Variants in APOBEC3A observed in about 807,000 individuals in gnomAD.
APOBEC3A encodes DNA dC->dU-editing enzyme APOBEC-3A.
APOBEC3A carries 13 observed loss-of-function variants against 23.0 expected under a neutral mutation model. That is an observed-to-expected ratio of 0.57 (90% CI 0.37 to 0.90). The LOEUF is 0.90. APOBEC3A is among the 40% of genes least tolerant of loss of function. The pLI, the probability that APOBEC3A is intolerant of heterozygous loss-of-function variation, is 0.01. For synonymous variants in APOBEC3A, 74 were observed against 101.3 expected (o/e 0.73, Z 1.62); for missense variants, 179 against 264.9 (o/e 0.68, Z 2.25).
intron 1 of APOBEC3A, among the ~76,000 whole-genome samples, chr22:38,958,946 T>C (rs1479321152): frequency 6.6e-6 from 1 of 151,742 alleles, no homozygotes; most frequent in African/African-American, 2.4e-5. Flanking sequence ...CTGGGAGAGG[T>C]CTTCAAGGTG....
intron 1 of APOBEC3A, among the ~76,000 whole-genome samples, chr22:38,958,669 T>G (rs1186140402): frequency 6.7e-6 from 1 of 150,094 alleles, no homozygotes; most frequent in Non-Finnish European, 1.5e-5. Flanking sequence ...TTTCCTTCTT[T>G]CTTTCTTTTC....
chr22:38,962,653 A>G lies in APOBEC3A; in HGVS notation c.*144A>G. ...CAGCAAAGCAGTATGCTCCCGATCAAGTAGATTTTTAAAAAATCAGAGTGG... is the reference window on the plus strand; with the variant it reads ...CAGCAAAGCAGTATGCTCCCGATCAGGTAGATTTTTAAAAAATCAGAGTGG... On this transcript the variant is annotated 3_prime_UTR_variant, in exon 5 of 5. Transcript: ENST00000249116. 6.4e-7 allele frequency: 1 copy of G among 1,555,188 alleles called. No homozygotes were observed. Among genetic ancestry groups the G allele is most frequent in the Non-Finnish European group, 8.7e-7 (1 of 1,151,130 alleles).
In APOBEC3A at chr22:38,957,677, AG is replaced by A. The variant is rs756961069; in HGVS notation, c.-14del. On this transcript the variant is annotated 5_prime_UTR_variant, in exon 1 of 5. Coordinates refer to ENST00000249116, the MANE Select transcript of APOBEC3A (RefSeq NM_145699.4). ...GCGGGAGGACACAGACCAGGAACCG[AG>A]AAGGGACAAGCACATGGAAGCCAGC... 3 of 1,612,480 alleles carry A rather than the reference AG, an allele frequency of 1.9e-6. No homozygotes were observed. In the East Asian group the frequency reaches 6.7e-5, roughly 36 times the overall value.
Position 38,958,765 on chromosome 22 carries a change from CTT to C in APOBEC3A, c.30-775_30-774del, listed in dbSNP as rs1491558239. 3.9e-4 allele frequency among the ~76,000 whole-genome samples: 15 copies of C among 38,732 alleles called. 1 individual carries two copies. Among genetic ancestry groups the C allele is most frequent in the African/African-American group, 2.5e-3 (9 of 3,584 alleles). The allele number at this position is 38,732 out of a possible 152,430, so 25.4% of individuals were successfully genotyped here. A position where few individuals can be genotyped will look rare whatever the true frequency, so the allele number is the denominator to read the frequency against. Reference sequence around the variant, plus strand: ...TCCCTTCCTTCCTTCCTCCATCTCTCTTTCTCTTTCTTTCTTTCTTTCTTTCT... The same window carrying C: ...TCCCTTCCTTCCTTCCTCCATCTCTCTCTCTTTCTTTCTTTCTTTCTTTCT... On this transcript the variant is annotated intron_variant, in intron 1 of 4. Transcript: ENST00000249116.
intron 2 of APOBEC3A, among the ~76,000 whole-genome samples, chr22:38,960,196 C>T (rs1041955474): frequency 2.6e-5 from 4 of 152,200 alleles, no homozygotes; most frequent in Non-Finnish European, 5.9e-5. Flanking sequence ...GGGCCCTGAG[C>T]CCGGGGGACT....
At chr22:38,958,954 G>T (rs1382160232) in intron 1 of APOBEC3A, among the ~76,000 whole-genome samples, 1 of 152,018 alleles carries the variant, frequency 6.6e-6, no homozygotes, top group Admixed American at 6.6e-5. Flanking sequence ...GGTCTTCAAG[G>T]TGGGGCTGGT....
At position 38,959,734 on chromosome 22, in the gene APOBEC3A, G is replaced by T; in HGVS notation, c.174+48G>T. Reference sequence around the variant, plus strand: ...TCCGGGCAGGGCCCTTCCAATCCAGGGACATTCATAGGTAGAAGGTTCCGG... The same window carrying T: ...TCCGGGCAGGGCCCTTCCAATCCAGTGACATTCATAGGTAGAAGGTTCCGG... On this transcript the variant is annotated intron_variant, in intron 2 of 4. Coordinates refer to ENST00000249116, the MANE Select transcript of APOBEC3A (RefSeq NM_145699.4). The T allele has an allele frequency of 1.9e-6, 3 of 1,595,262 alleles. No homozygotes were observed. The South Asian group carries it at 3.3e-5, about 18-fold the overall frequency.
intron 4 of APOBEC3A, 58 bp downstream of exon 4, chr22:38,962,271 C>T: frequency 1.2e-6 from 2 of 1,612,700 alleles, no homozygotes; most frequent in East Asian, 2.2e-5. Context: ...TCCCCACTCC[C>T]CTGGGCCTTG....
chr22:38,958,560 C>CTCTT (rs71668946), intron 1 of APOBEC3A, among the ~76,000 whole-genome samples: 1,234 of 120,786 alleles, frequency 0.01, 16 homozygotes, highest in African/African-American at 0.048. Context: ...CTTCCTTCCT[C>CTCTT]TCTTTCTTCT....
At chr22:38,959,245 C>G (rs988864883) in intron 1 of APOBEC3A, among the ~76,000 whole-genome samples, 1 of 152,108 alleles carries the variant, frequency 6.6e-6, no homozygotes, top group Non-Finnish European at 1.5e-5. Flanking sequence ...GGTGAGGCCA[C>G]AGAATAAGAC....
chr22:38,959,833 G>C (rs537029366), intron 2 of APOBEC3A, 147 bp downstream of exon 2: 7 of 1,202,420 alleles, frequency 5.8e-6, no homozygotes, highest in East Asian at 5.2e-5. Flanking sequence ...CCTGGGGTTG[G>C]GGGGAGACTT....
In APOBEC3A at chr22:38,962,733, T is replaced by C. The variant is rs527920478; in HGVS notation, c.*224T>C. 4.3e-5 allele frequency: 50 copies of C among 1,162,766 alleles called. 3 individuals are homozygous for C. The highest frequency in any genetic ancestry group is 2.3e-4 in the Middle Eastern group (1 of 4,352). The allele number at this position is 1,162,766 out of a possible 1,614,324, so 72.0% of individuals were successfully genotyped here. ...CCAGCACTTTGGAGGCCAAGGCGGG[T>C]GGATCACGAGGTCAGGAGATCGAGA... On this transcript the variant is annotated 3_prime_UTR_variant, in exon 5 of 5. Transcript: ENST00000249116.
chr22:38,960,686 G>A (rs567986728), intron 2 of APOBEC3A, among the ~76,000 whole-genome samples: 6 of 152,178 alleles, frequency 3.9e-5, no homozygotes, highest in Non-Finnish European at 7.3e-5. Flanking sequence ...CACTACTTTT[G>A]GTGGAATTCA....
In APOBEC3A at chr22:38,962,039, C is replaced by A. The variant is rs1053853516; in HGVS notation, c.470-59C>A. 4.4e-5 allele frequency: 69 copies of A among 1,566,668 alleles called. No individual in the cohort carries two copies. The Admixed American group carries it at 1.2e-3, about 26-fold the overall frequency. On this transcript the variant is annotated intron_variant, in intron 3 of 4. Transcript: ENST00000249116. ...AAGTCTGTCCTGAGAGTCATGGGCC[C>A]TAGGTGCCACCCCGATCCCACAGCG...
chr22:38,957,809 G>C, intron 1 of APOBEC3A, 89 bp downstream of exon 1: 2 of 1,519,376 alleles, frequency 1.3e-6, no homozygotes, highest in Non-Finnish European at 1.8e-6. Context: ...TCAAACCCCT[G>C]GGGCCTCTCT....
chr22:38,962,152 C>T lies in APOBEC3A; in HGVS notation c.524C>T (p.Pro175Leu). The change falls in exon 4 of 5, where the codon CCC (proline) becomes CTC (leucine). Residue 175 changes from proline to leucine, a missense_variant. This residue lies in a region of APOBEC3A where 37 missense variants were observed against 43.1 expected (regional missense o/e 0.86). Coordinates refer to ENST00000249116, the MANE Select transcript of APOBEC3A (RefSeq NM_145699.4). ...GACCACCAGGGATGTCCCTTCCAGCCCTGGGATGGACTAGATGAGCACAGC... is the reference window on the plus strand; with the variant it reads ...GACCACCAGGGATGTCCCTTCCAGCTCTGGGATGGACTAGATGAGCACAGC... ...FVDHQGCPFQ[P>L]WDGLDEHSQA... 1.2e-6 allele frequency: 2 copies of T among 1,613,372 alleles called. No individual in the cohort carries two copies. The highest frequency in any genetic ancestry group is 1.1e-5 in the South Asian group (1 of 91,052).
At chr22:38,960,203 G>C (rs1332296305) in intron 2 of APOBEC3A, among the ~76,000 whole-genome samples, 2 of 152,200 alleles carry the variant, frequency 1.3e-5, no homozygotes, top group Admixed American at 6.5e-5. Flanking sequence ...GAGCCCGGGG[G>C]ACTTTCTTCC....
At chr22:38,957,866 C>T (rs1342928092) in intron 1 of APOBEC3A, 146 bp downstream of exon 1, 1 of 1,078,610 alleles carries the variant, frequency 9.3e-7, no homozygotes, top group Non-Finnish European at 1.3e-6. Flanking sequence ...CTCTAGGTTC[C>T]CAGTTTTGGT....
chr22:38,958,702 T>C (rs890939111), intron 1 of APOBEC3A, among the ~76,000 whole-genome samples: 40 of 151,012 alleles, frequency 2.6e-4, no homozygotes, highest in African/African-American at 9.3e-4. Context: ...TTTCTTTCTT[T>C]CTTTCCTTCT....
Sources: gnomAD v4.1 joint callset for allele counts (sites outside exome capture counted in the v4.1 genomes callset) on GRCh38, gnomAD v4.1.1 for gene constraint, gnomAD v4.1.1 regional missense constraint, MANE v1.5 for transcripts, NCBI Gene and HGNC (gene_info 2026-07-23, HGNC 2026-07-21) for gene names.